The following DOCK1 variants were observed in gnomAD, a reference collection of about 807,000 sequenced individuals.
DOCK1 encodes the protein dedicator of cytokinesis 1, also known as dedicator of cytokinesis protein 1.
In DOCK1, 138 loss-of-function variants were observed where a neutral mutation model predicts 262.7. The ratio of observed to expected loss-of-function variants is 0.53; its 90% confidence interval spans 0.46 to 0.61. DOCK1 has a LOEUF of 0.61. Among genes scored for constraint, DOCK1 ranks in the 20% least tolerant of loss-of-function variants. The pLI is 0.00. For missense variants in DOCK1, 1,908 were observed against 2,370.7 expected (o/e 0.80, Z 4.05); for synonymous variants, 866 against 867.4 (o/e 1.00, Z 0.03).
At chr10:127,315,415 G>A (rs1310267272) in intron 29 of DOCK1, among the ~76,000 whole-genome samples, 12 of 151,820 alleles carry the variant, frequency 7.9e-5, no homozygotes, top group Non-Finnish European at 7.3e-5. Context: ...AGCAAGAAGA[G>A]ACTAGGACAC....
At chr10:127,236,500 GTTTT>G (rs771387854) in intron 27 of DOCK1, among the ~76,000 whole-genome samples, 127 of 66,786 alleles carry the variant, frequency 1.9e-3, no homozygotes, top group African/African-American at 5.1e-3. Context: ...CTTGACACGG[GTTTT>G]TTTTTTTTTT....
intron 27 of DOCK1, chr10:127,136,656 A>G (rs895226915): frequency 1.3e-5 from 2 of 152,612 alleles, no homozygotes; most frequent in African/African-American, 4.8e-5. Context: ...ATGTGTAATC[A>G]AGAGAGAACT....
chr10:127,327,253 T>C (rs2062783298), intron 29 of DOCK1, among the ~76,000 whole-genome samples: 1 of 152,226 alleles, frequency 6.6e-6, no homozygotes, highest in Non-Finnish European at 1.5e-5. Flanking sequence ...AGATGACATA[T>C]TCCAATATAA....
chr10:127,128,890 A>G lies in DOCK1; in HGVS notation c.2847+1126A>G. On this transcript the variant is annotated intron_variant, in intron 27 of 51. Coordinates refer to ENST00000623213, the MANE Select transcript of DOCK1 (RefSeq NM_001290223.2). ...CTGGATAATGTTTAAAATATTTAGC[A>G]CATGTTATCATTTAAGTCATCTTGG... Among the ~76,000 whole-genome samples the G allele has an allele frequency of 1.3e-5, 2 of 152,210 alleles. 1 individual carries two copies. Among genetic ancestry groups the G allele is most frequent in the Non-Finnish European group, 2.9e-5 (2 of 68,040 alleles).
At chr10:127,342,169 C>T (rs1426636027) in intron 30 of DOCK1, among the ~76,000 whole-genome samples, 1 of 152,128 alleles carries the variant, frequency 6.6e-6, no homozygotes, top group Non-Finnish European at 1.5e-5. Flanking sequence ...TCCTCGCAGG[C>T]ATGGGTCCTA....
chr10:127,021,942 T>C (rs2042456600), intron 13 of DOCK1, among the ~76,000 whole-genome samples: 1 of 152,116 alleles, frequency 6.6e-6, no homozygotes, highest in Non-Finnish European at 1.5e-5. Context: ...GGAACCGCTC[T>C]TTGGCTCCTT....
intron 12 of DOCK1, among the ~76,000 whole-genome samples, chr10:127,017,544 G>GAC (rs58811944): frequency 0.047 from 7,134 of 150,192 alleles, 555 homozygotes; most frequent in African/African-American, 0.16. Context: ...TGGACACACA[G>GAC]ACACACACAC....
intron 16 of DOCK1, among the ~76,000 whole-genome samples, chr10:127,027,345 A>T (rs2042938428): frequency 6.6e-6 from 1 of 152,230 alleles, no homozygotes; most frequent in Admixed American, 6.5e-5. Flanking sequence ...CTGTAATCCC[A>T]GAACTTTGGG....
chr10:127,196,202 CCCGGCCCTGCTGGCCCGG>C (rs1199548072), intron 27 of DOCK1: 2 of 149,778 alleles, frequency 1.3e-5, no homozygotes, highest in Non-Finnish European at 3.0e-5. Context: ...CCGCTGCCGG[CCCGGCCCTGCTGGCCCGG>C]CCGGCCCCCG....
At chr10:127,300,998 T>C (rs1432007660) in intron 29 of DOCK1, among the ~76,000 whole-genome samples, 1 of 152,202 alleles carries the variant, frequency 6.6e-6, no homozygotes, top group East Asian at 1.9e-4. Context: ...CCTAGCCTGT[T>C]CTAACCCTTG....
At chr10:126,918,888 C>T (rs1359493893) in intron 1 of DOCK1, among the ~76,000 whole-genome samples, 2 of 105,802 alleles carry the variant, frequency 1.9e-5, no homozygotes, top group Non-Finnish European at 4.3e-5. Context: ...TGCAGGTGGG[C>T]ACGGAGGATT....
At chr10:127,042,501 G>A (rs2044085176) in intron 19 of DOCK1, 124 bp from the exon 20 acceptor site, 1 of 782,130 alleles carries the variant, frequency 1.3e-6, no homozygotes, top group Non-Finnish European at 2.1e-6. Flanking sequence ...GATCCCGAAT[G>A]GCTTTATAGG....
chr10:127,290,810 A>C (rs951039676), intron 29 of DOCK1, among the ~76,000 whole-genome samples: 18 of 152,176 alleles, frequency 1.2e-4, no homozygotes, highest in African/African-American at 4.1e-4. Context: ...ATATAGCATA[A>C]TTATTTTCAA....
chr10:127,053,509 G>C (rs989914574), intron 22 of DOCK1, among the ~76,000 whole-genome samples: 11 of 152,324 alleles, frequency 7.2e-5, no homozygotes, highest in African/African-American at 1.9e-4. Context: ...AGGATACTCA[G>C]GTGCTTTAGC....
At chr10:126,971,087 G>T (rs2038072310) in intron 2 of DOCK1, among the ~76,000 whole-genome samples, 1 of 147,716 alleles carries the variant, frequency 6.8e-6, no homozygotes, top group Non-Finnish European at 1.5e-5. Context: ...GTCTTGCTCT[G>T]TCGCACAGGC....
intron 29 of DOCK1, among the ~76,000 whole-genome samples, chr10:127,332,230 TGGGAA>T (rs945038803): frequency 6.6e-6 from 1 of 152,200 alleles, no homozygotes; most frequent in Non-Finnish European, 1.5e-5. Flanking sequence ...AGACGCACCC[TGGGAA>T]TCCTCTGTAT....
At chr10:127,396,878 T>TG in intron 38 of DOCK1, among the ~76,000 whole-genome samples, 1 of 152,308 alleles carries the variant, frequency 6.6e-6, no homozygotes, top group South Asian at 2.1e-4. Flanking sequence ...TGAACATAAG[T>TG]GACCCGGGCA....
At chr10:127,273,426 C>T (rs377277728) in intron 29 of DOCK1, among the ~76,000 whole-genome samples, 16 of 152,220 alleles carry the variant, frequency 1.1e-4, no homozygotes, top group African/African-American at 3.9e-4. Flanking sequence ...CTGCTAACTC[C>T]AAGCTGGCTC....
At chr10:127,116,587 T>G (rs1484918063) in intron 25 of DOCK1, among the ~76,000 whole-genome samples, 2 of 152,176 alleles carry the variant, frequency 1.3e-5, no homozygotes, top group African/African-American at 4.8e-5. Flanking sequence ...ATAGAAAAGT[T>G]GCGTGTTTAA....
Sources: gnomAD v4.1 joint callset for allele counts (sites outside exome capture counted in the v4.1 genomes callset) on GRCh38, gnomAD v4.1.1 for gene constraint, MANE v1.5 for transcripts, NCBI Gene and HGNC (gene_info 2026-07-23, HGNC 2026-07-21) for gene names.